COLEC11: variants seen among roughly 807,000 people sequenced by gnomAD.
COLEC11 encodes the protein collectin-11.
A neutral mutation model predicts 27.3 loss-of-function variants in COLEC11; 20 were observed. The ratio of observed to expected loss-of-function variants is 0.73; its 90% CI spans 0.51 to 1.06. The LOEUF is 1.06. Ranked by LOEUF, COLEC11 falls within the 50% of genes least tolerant of loss-of-function variation. COLEC11 has a pLI of 0.00. For synonymous variants in COLEC11, 163 were observed against 154.7 expected, an observed-to-expected ratio of 1.05 and a Z score of -0.40; for missense variants, 310 against 383.0, an observed-to-expected ratio of 0.81 and a Z score of 1.59.
rs1298774707 is a variant in COLEC11 at position 3,640,499 on chromosome 2, TCA to T, written c.328+171_328+172del. On this transcript the variant is annotated intron_variant, in intron 5 of 6. Transcript: ENST00000349077. ...ATCCCACAGTGGACACCCACCCCCGTCACATCCCACGGTGGACACCCACCCCC... is the reference window on the plus strand; with the variant it reads ...ATCCCACAGTGGACACCCACCCCCGTCATCCCACGGTGGACACCCACCCCC... 5.7e-5 allele frequency among the ~76,000 whole-genome samples: 3 copies of T among 52,840 alleles called. No individual in the cohort carries two copies. In the East Asian group the frequency reaches 1.7e-3, roughly 29 times the overall value. The allele number at this position is 52,840 out of a possible 152,430, so 34.7% of individuals were successfully genotyped here.
intron 3 of COLEC11, among the ~76,000 whole-genome samples, chr2:3,633,159 G>C (rs1281802678): frequency 6.6e-6 from 1 of 152,216 alleles, no homozygotes; most frequent in Non-Finnish European, 1.5e-5. Context: ...CTCCCTGGAG[G>C]ACGAGGCCAG....
chr2:3,640,039 C>A (rs991302809), intron 4 of COLEC11, among the ~76,000 whole-genome samples: 2 of 152,170 alleles, frequency 1.3e-5, no homozygotes. Flanking sequence ...TTTTCCAGAA[C>A]TGATTTAAAG....
chr2:3,595,627 G>C (rs1661791994), intron 1 of COLEC11, among the ~76,000 whole-genome samples: 1 of 152,238 alleles, frequency 6.6e-6, no homozygotes, highest in Admixed American at 6.5e-5. Flanking sequence ...TTGGGCTCAG[G>C]AACGGGGATC....
Position 3,644,199 on chromosome 2 carries a change from G to A in COLEC11, c.*81G>A. On this transcript the variant is annotated 3_prime_UTR_variant, in exon 7 of 7. Transcript: ENST00000349077. ...GGACAGAGCCCAGACCATGGTGCCA[G>A]CCAGGGAGCTGTCCCTCTGTGAAGG... 1 of 1,565,934 alleles carries A rather than the reference G, an allele frequency of 6.4e-7. No homozygotes were observed. The highest frequency in any genetic ancestry group is 8.7e-7 in the Non-Finnish European group (1 of 1,151,528).
At chr2:3,629,202 T>G (rs1267607323) in intron 3 of COLEC11, among the ~76,000 whole-genome samples, 1 of 152,174 alleles carries the variant, frequency 6.6e-6, no homozygotes, top group Non-Finnish European at 1.5e-5. Context: ...TTGAAATAAG[T>G]CAGCTACAGA....
chr2:3,595,181 G>A lies in COLEC11; in HGVS notation c.-27+13G>A. ...AGCGCGTGCTCAGGTAGGAGACTCTGCCCGGGGCTGCAGCTGAGGGTTTCA... is the reference window on the plus strand; with the variant it reads ...AGCGCGTGCTCAGGTAGGAGACTCTACCCGGGGCTGCAGCTGAGGGTTTCA... On this transcript the variant is annotated intron_variant, in intron 1 of 6. Coordinates refer to ENST00000349077, the MANE Select transcript of COLEC11 (RefSeq NM_024027.5). 3.1e-6 allele frequency: 1 copy of A among 317,604 alleles called. No homozygotes were observed. Among genetic ancestry groups the A allele is most frequent in the Non-Finnish European group, 6.3e-6 (1 of 158,242 alleles). The allele number at this position is 317,604 out of a possible 1,614,324, so 19.7% of individuals were successfully genotyped here.
chr2:3,630,699 G>A (rs1664936309), intron 3 of COLEC11, among the ~76,000 whole-genome samples: 1 of 152,202 alleles, frequency 6.6e-6, no homozygotes, highest in East Asian at 1.9e-4. Flanking sequence ...GAAGCTTCCT[G>A]GGCATTTTTC....
intron 3 of COLEC11, among the ~76,000 whole-genome samples, chr2:3,623,793 G>C (rs72769335): frequency 0.012 from 1,884 of 152,138 alleles, 16 homozygotes; most frequent in Middle Eastern, 0.037. Flanking sequence ...TTCTTTGTTA[G>C]GCAATTTGTA....
At chr2:3,606,876 G>T (rs1012985562) in intron 2 of COLEC11, among the ~76,000 whole-genome samples, 17 of 152,230 alleles carry the variant, frequency 1.1e-4, no homozygotes, top group Non-Finnish European at 1.5e-5. Flanking sequence ...AAGAGGAGAG[G>T]CAGCGTGCGG....
At chr2:3,621,408 A>T (rs934814405) in intron 3 of COLEC11, among the ~76,000 whole-genome samples, 6 of 152,132 alleles carry the variant, frequency 3.9e-5, no homozygotes. Flanking sequence ...TTTTTAGTCT[A>T]TGTGTGATCT....
In COLEC11 at chr2:3,638,525, TGGCCCA is replaced by T. The variant is rs144323212; in HGVS notation, c.274+924_274+929del. On this transcript the variant is annotated intron_variant, in intron 4 of 6. Coordinates refer to ENST00000349077, the MANE Select transcript of COLEC11 (RefSeq NM_024027.5). ...CTCATTCATCTGCCTCGGAGCAGGT[TGGCCCA>T]GGTACCAAGAGGCTACGGTCTGGGG... Among the ~76,000 whole-genome samples the T allele has an allele frequency of 6.5e-3, 991 of 152,338 alleles. 2 individuals carry two copies. Among genetic ancestry groups the T allele is most frequent in the African/African-American group, 0.023 (959 of 41,570 alleles).
rs149846858 is a variant in COLEC11 at position 3,632,136 on chromosome 2, G to A, written c.203-5397G>A. Among the ~76,000 whole-genome samples, 1,094 of 152,322 alleles carry A rather than the reference G, an allele frequency of 7.2e-3. 10 individuals carry two copies. Among genetic ancestry groups the A allele is most frequent in the Middle Eastern group, 0.051 (15 of 294 alleles). ...CCCTGAGGTGCCACTTGACAGACAG[G>A]GAAACTGAGGCTTACAGAGGGCTGT... On this transcript the variant is annotated intron_variant, in intron 3 of 6. Transcript: ENST00000349077.
At chr2:3,610,789 C>T (rs569164733) in intron 2 of COLEC11, among the ~76,000 whole-genome samples, 1 of 152,184 alleles carries the variant, frequency 6.6e-6, no homozygotes, top group Non-Finnish European at 1.5e-5. Context: ...AGGGGCTTTT[C>T]GGATCTTGCC....
At chr2:3,600,095 C>T (rs531817530) in intron 1 of COLEC11, among the ~76,000 whole-genome samples, 6 of 151,960 alleles carry the variant, frequency 3.9e-5, no homozygotes, top group South Asian at 2.1e-4. Context: ...ATTAGCCAGG[C>T]GTGGTGGCGG....
At chr2:3,609,386 T>A (rs1329933107) in intron 2 of COLEC11, among the ~76,000 whole-genome samples, 2 of 103,200 alleles carry the variant, frequency 1.9e-5, no homozygotes, top group Non-Finnish European at 3.7e-5. Context: ...TTTTTTTTTT[T>A]AGAGACAGGA....
chr2:3,636,228 G>A (rs1267437379), intron 3 of COLEC11, among the ~76,000 whole-genome samples: 1 of 152,156 alleles, frequency 6.6e-6, no homozygotes, highest in Non-Finnish European at 1.5e-5. Context: ...AGGCCGAGGT[G>A]GATGGATCAC....
chr2:3,634,130 A>G (rs1355261289), intron 3 of COLEC11, among the ~76,000 whole-genome samples: 1 of 152,138 alleles, frequency 6.6e-6, no homozygotes, highest in Non-Finnish European at 1.5e-5. Context: ...GGTGGGGGAC[A>G]CAGTTCCATC....
rs570498869 is a variant in COLEC11, at chr2:3,602,603, C to T, written c.-26-1712C>T. On this transcript the variant is annotated intron_variant, in intron 1 of 6. Coordinates refer to ENST00000349077, the MANE Select transcript of COLEC11 (RefSeq NM_024027.5). This position sits in a 1 kb window ranked among gnomAD's most constrained non-coding sequence, Gnocchi z 6.2. ...CACCCTGGCTTGGTCTCCTTGCTTC[C>T]GTTGCTGTTCCCCTAAGTCCCGTCT... 2.1e-4 allele frequency among the ~76,000 whole-genome samples: 32 copies of T among 152,274 alleles called. No homozygotes were observed. The highest frequency in any genetic ancestry group is 5.8e-4 in the African/African-American group (24 of 41,556).
chr2:3,599,323 A>G (rs1350521598), intron 1 of COLEC11, among the ~76,000 whole-genome samples: 1 of 152,174 alleles, frequency 6.6e-6, no homozygotes, highest in Admixed American at 6.5e-5. Context: ...GCGATGACCC[A>G]CACCACAGGA....
Sources: gnomAD v4.1 joint callset for allele counts (sites outside exome capture counted in the v4.1 genomes callset) on GRCh38, gnomAD v4.1.1 for gene constraint, Gnocchi (gnomAD v3.1) non-coding constraint, MANE v1.5 for transcripts, NCBI Gene and HGNC (gene_info 2026-07-23, HGNC 2026-07-21) for gene names.